The following ADRA1B variants were observed in gnomAD, a reference collection of about 807,000 sequenced individuals.
The protein encoded by ADRA1B is adrenoceptor alpha 1B.
In ADRA1B, 17 loss-of-function variants were observed where a neutral mutation model predicts 17.9. That is an observed-to-expected ratio of 0.95 (90% CI 0.65 to 1.42). ADRA1B has a LOEUF of 1.42. ADRA1B is among the 40% of genes most tolerant of loss of function. The pLI is 0.00. For missense variants in ADRA1B, 681 were observed against 722.1 expected (o/e 0.94, Z 0.65); for synonymous variants, 366 against 327.6 (o/e 1.12, Z -1.27).
chr5:159,879,379 C>T (rs1581017717), intron 1 of ADRA1B, among the ~76,000 whole-genome samples: 3 of 152,126 alleles, frequency 2.0e-5, no homozygotes, highest in Non-Finnish European at 4.4e-5. Context: ...CCTGTAAGCA[C>T]GACGGTGGGA....
intron 1 of ADRA1B, among the ~76,000 whole-genome samples, chr5:159,927,663 A>T (rs1754696712): frequency 6.6e-6 from 1 of 152,204 alleles, no homozygotes; most frequent in Non-Finnish European, 1.5e-5. Context: ...AAGCATAATT[A>T]TACTTATTAT....
upstream of ADRA1B, among the ~76,000 whole-genome samples, chr5:159,915,863 G>A (rs910831853): frequency 6.6e-6 from 1 of 152,188 alleles, no homozygotes; most frequent in African/African-American, 2.4e-5. Flanking sequence ...CTATAGGGCA[G>A]GAGTCCGTCT....
chr5:159,878,470 A>G lies in ADRA1B; in HGVS notation c.-256+13264A>G, dbSNP rs115722887. ...ACCAGACCATCTCAGGCAGTTCTGG[A>G]TTCCCTGTTTTCCGCGTGCAATCTG... On this transcript the variant is annotated intron_variant, in intron 1 of 2. Coordinates refer to the ADRA1B transcript ENST00000641205. Among the ~76,000 whole-genome samples the G allele has an allele frequency of 8.3e-3, 1,258 of 152,334 alleles. 18 individuals carry two copies. Among genetic ancestry groups the G allele is most frequent in the African/African-American group, 0.028 (1,168 of 41,570 alleles).
intron 1 of ADRA1B, among the ~76,000 whole-genome samples, chr5:159,876,279 G>A (rs1170564248): frequency 6.6e-6 from 1 of 152,236 alleles, no homozygotes; most frequent in Non-Finnish European, 1.5e-5. Context: ...GCTCAACAAT[G>A]TCAAGGCTCT....
intron 1 of ADRA1B, among the ~76,000 whole-genome samples, chr5:159,872,057 G>A (rs1753748250): frequency 6.6e-6 from 1 of 152,110 alleles, no homozygotes; most frequent in Admixed American, 6.5e-5. Context: ...TAATCAAAAT[G>A]CCCAACTTGT....
chr5:159,936,597 T>C (rs1259345877), intron 1 of ADRA1B, among the ~76,000 whole-genome samples: 1 of 152,030 alleles, frequency 6.6e-6, no homozygotes, highest in South Asian at 2.1e-4. Flanking sequence ...TTCTCTTTGC[T>C]CTCCGTGAAA....
chr5:159,875,875 C>T (rs1270185831), intron 1 of ADRA1B, among the ~76,000 whole-genome samples: 3 of 148,446 alleles, frequency 2.0e-5, no homozygotes, highest in African/African-American at 7.7e-5. Context: ...GATGGAACAG[C>T]ATACGTGACT....
At chr5:159,981,889 G>T in the ADRA1B span, among the ~76,000 whole-genome samples, 1 of 152,078 alleles carries the variant, frequency 6.6e-6, no homozygotes, top group South Asian at 2.1e-4. Context: ...AGGTCTGGTG[G>T]TTTTAAAATA....
intron 1 of ADRA1B, among the ~76,000 whole-genome samples, chr5:159,879,011 C>T (rs1356741502): frequency 1.3e-5 from 2 of 152,056 alleles, no homozygotes; most frequent in Non-Finnish European, 2.9e-5. Flanking sequence ...CTCACCCCGG[C>T]CCTGGGTGAG....
At chr5:159,892,428 C>T (rs1168804530) in intron 1 of ADRA1B, among the ~76,000 whole-genome samples, 1 of 152,166 alleles carries the variant, frequency 6.6e-6, no homozygotes, top group Non-Finnish European at 1.5e-5. Context: ...ATCATCCCAT[C>T]ACCTAGGTAT....
At position 159,939,538 on chromosome 5, in the gene ADRA1B, G is replaced by A. The variant is rs565445160; in HGVS notation, c.949+21684G>A. Among the ~76,000 whole-genome samples, 164 of 152,182 alleles carry A rather than the reference G, an allele frequency of 1.1e-3. 1 individual carries two copies. Among genetic ancestry groups the A allele is most frequent in the African/African-American group, 3.8e-3 (159 of 41,534 alleles). ...AACCTACCCCATCTCCCAAGATAGG[G>A]CTTTGTGCTCAAACAGATCAGAATC... On this transcript the variant is annotated intron_variant, in intron 1 of 1. Coordinates refer to ENST00000306675, the MANE Select transcript of ADRA1B (RefSeq NM_000679.4).
At chr5:159,879,335 C>T (rs549876180) in intron 1 of ADRA1B, among the ~76,000 whole-genome samples, 61 of 152,246 alleles carry the variant, frequency 4.0e-4, no homozygotes, top group African/African-American at 1.4e-3. Flanking sequence ...AGTGACACAG[C>T]GCTTCTGCTG....
chr5:159,867,458 C>T (rs1166137434), intron 1 of ADRA1B, among the ~76,000 whole-genome samples: 1 of 152,174 alleles, frequency 6.6e-6, no homozygotes, highest in Non-Finnish European at 1.5e-5. Flanking sequence ...CACCATCTTG[C>T]TGGTTCTACC....
chr5:159,942,807 G>T (rs1349529594), intron 1 of ADRA1B, among the ~76,000 whole-genome samples: 1 of 152,100 alleles, frequency 6.6e-6, no homozygotes, highest in African/African-American at 2.4e-5. Context: ...ACACCAAAAA[G>T]ATGAAAATAG....
chr5:159,931,874 C>G (rs1210117063), intron 1 of ADRA1B, among the ~76,000 whole-genome samples: 7 of 152,206 alleles, frequency 4.6e-5, no homozygotes. Flanking sequence ...ACCTACTTGC[C>G]TTTCACATGA....
chr5:159,922,452 T>G (rs1754512779), intron 1 of ADRA1B, among the ~76,000 whole-genome samples: 1 of 152,198 alleles, frequency 6.6e-6, no homozygotes, highest in Non-Finnish European at 1.5e-5. Flanking sequence ...CAACCTGTTT[T>G]CATAGCACAT....
intron 1 of ADRA1B, among the ~76,000 whole-genome samples, chr5:159,918,392 A>T (rs1754390278): frequency 6.6e-6 from 1 of 152,186 alleles, no homozygotes; most frequent in African/African-American, 2.4e-5. Flanking sequence ...CTCTTCACTG[A>T]CAGCTATCAC....
intron 1 of ADRA1B, among the ~76,000 whole-genome samples, chr5:159,938,953 T>C (rs1346473564): frequency 6.6e-6 from 1 of 152,156 alleles, no homozygotes; most frequent in African/African-American, 2.4e-5. Flanking sequence ...AGTCACAGTA[T>C]GTGGCCAGAG....
chr5:159,940,214 T>A (rs967746955), intron 1 of ADRA1B, among the ~76,000 whole-genome samples: 3 of 152,252 alleles, frequency 2.0e-5, no homozygotes, highest in Non-Finnish European at 2.9e-5. Context: ...CTCCTGAATC[T>A]TCTTCTAGAC....
Sources: allele counts gnomAD v4.1 joint callset (sites outside exome capture counted in the v4.1 genomes callset), GRCh38; gene constraint gnomAD v4.1.1; transcripts MANE v1.5; gene names NCBI Gene and HGNC (gene_info 2026-07-23, HGNC 2026-07-21).